The following MGAT4C variants were observed in gnomAD, a reference collection of about 807,000 sequenced individuals.
MGAT4C encodes alpha-1,3-mannosyl-glycoprotein 4-beta-N-acetylglucosaminyltransferase C.
MGAT4C carries 19 observed loss-of-function variants against 40.1 expected under a neutral mutation model. The ratio of observed to expected loss-of-function variants is 0.47; its 90% CI spans 0.33 to 0.70. The LOEUF (loss-of-function observed/expected upper bound fraction) is 0.70. MGAT4C is among the 30% of genes least tolerant of loss of function. The pLI, the probability that MGAT4C is intolerant of heterozygous loss-of-function variation, is 0.02. For missense variants in MGAT4C, 491 were observed against 563.2 expected, an observed-to-expected ratio of 0.87 and a Z score of 1.30; for synonymous variants, 181 against 187.1, an observed-to-expected ratio of 0.97 and a Z score of 0.27.
intron 1 of MGAT4C, among the ~76,000 whole-genome samples, chr12:86,805,980 C>A (rs1952345127): frequency 6.6e-6 from 1 of 151,786 alleles, no homozygotes; most frequent in Admixed American, 6.6e-5. Flanking sequence ...TGATGTTAAA[C>A]ATTTTTTCAT....
intron 3 of MGAT4C, among the ~76,000 whole-genome samples, chr12:86,341,090 C>T (rs111317145): frequency 6.6e-6 from 1 of 152,244 alleles, no homozygotes; most frequent in South Asian, 2.1e-4. Context: ...TCAATTGAAA[C>T]ACCCATGTAC....
intron 3 of MGAT4C, among the ~76,000 whole-genome samples, chr12:86,416,193 C>A (rs17013997): frequency 6.6e-6 from 1 of 151,902 alleles, no homozygotes; most frequent in South Asian, 2.1e-4. Flanking sequence ...TATGCCAAAC[C>A]TGTTGGAAGT....
At chr12:86,146,563 A>C (rs1883543729) in intron 1 of MGAT4C, among the ~76,000 whole-genome samples, 1 of 152,054 alleles carries the variant, frequency 6.6e-6, no homozygotes, top group African/African-American at 2.4e-5. Flanking sequence ...AAATCTCTCT[A>C]AGAACTGGGA....
At chr12:86,449,119 C>T (rs895654145) in intron 2 of MGAT4C, among the ~76,000 whole-genome samples, 1 of 151,764 alleles carries the variant, frequency 6.6e-6, no homozygotes, top group Non-Finnish European at 1.5e-5. Flanking sequence ...TCATTGGGGG[C>T]TACAAAACGT....
intron 2 of MGAT4C, among the ~76,000 whole-genome samples, chr12:86,041,034 G>C (rs1891780071): frequency 6.6e-6 from 1 of 152,146 alleles, no homozygotes; most frequent in Non-Finnish European, 1.5e-5. Context: ...GTCTCAATGA[G>C]ATGAATCGGG....
chr12:86,505,042 A>C (rs770923677), intron 2 of MGAT4C, among the ~76,000 whole-genome samples: 1 of 152,126 alleles, frequency 6.6e-6, no homozygotes, highest in Non-Finnish European at 1.5e-5. Context: ...CACTCATTTC[A>C]ATGTGTGGTT....
chr12:86,275,995 C>G (rs539393414), intron 4 of MGAT4C, among the ~76,000 whole-genome samples: 1 of 144,880 alleles, frequency 6.9e-6, no homozygotes, highest in Admixed American at 6.9e-5. Context: ...TGGTGTTGGC[C>G]GCTTGTAGTC....
At chr12:86,715,444 T>C (rs1950629381) in intron 2 of MGAT4C, among the ~76,000 whole-genome samples, 1 of 152,128 alleles carries the variant, frequency 6.6e-6, no homozygotes, top group Non-Finnish European at 1.5e-5. Flanking sequence ...GATTATATTA[T>C]TGTTTGGTGT....
intron 1 of MGAT4C, among the ~76,000 whole-genome samples, chr12:86,214,039 T>C (rs1415328854): frequency 6.6e-6 from 1 of 152,346 alleles, no homozygotes; most frequent in South Asian, 2.1e-4. Flanking sequence ...CTTTAAAGTA[T>C]ACCACTCTTC....
intron 4 of MGAT4C, among the ~76,000 whole-genome samples, chr12:86,293,350 A>G (rs965004800): frequency 6.6e-6 from 1 of 152,166 alleles, no homozygotes; most frequent in Non-Finnish European, 1.5e-5. Context: ...CTGAATTATT[A>G]TAAGATAATG....
chr12:86,827,326 T>C (rs1220960856), intron 1 of MGAT4C, among the ~76,000 whole-genome samples: 4 of 151,486 alleles, frequency 2.6e-5, no homozygotes, highest in Non-Finnish European at 4.4e-5. Flanking sequence ...CCTTATAAAA[T>C]GGAAAAATAT....
chr12:86,702,596 A>C (rs1317664528), intron 2 of MGAT4C, among the ~76,000 whole-genome samples: 1 of 152,206 alleles, frequency 6.6e-6, no homozygotes, highest in East Asian at 1.9e-4. Flanking sequence ...ATGGAAAACA[A>C]AACCTGGATA....
intron 2 of MGAT4C, among the ~76,000 whole-genome samples, chr12:86,679,138 G>A (rs1949930550): frequency 6.6e-6 from 1 of 152,060 alleles, no homozygotes; most frequent in Non-Finnish European, 1.5e-5. Flanking sequence ...GGTGTGAGAT[G>A]GTATCTCATT....
At position 86,090,048 on chromosome 12, in the gene MGAT4C, T is replaced by C. The variant is rs1274074404; in HGVS notation, c.-56-40325A>G. On this transcript the variant is annotated intron_variant, in intron 1 of 4. Coordinates refer to ENST00000611864, the MANE Select transcript of MGAT4C (RefSeq NM_001351288.2). The stretch of plus-strand genomic sequence containing the variant: ...CACAAACACAGTATTCTCTTCTATT[T>C]GGGATTAACCAAAATTTTGAATATA... Among the ~76,000 whole-genome samples the C allele has an allele frequency of 2.0e-5, 3 of 151,756 alleles. No individual in the cohort carries two copies. The East Asian group carries it at 5.8e-4, about 29-fold the overall frequency.
chr12:86,468,332 T>A (rs1355352714), intron 2 of MGAT4C, among the ~76,000 whole-genome samples: 1 of 152,050 alleles, frequency 6.6e-6, no homozygotes, highest in East Asian at 1.9e-4. Context: ...CAGGCTACCA[T>A]AAAATCTTTT....
At chr12:86,051,503 GAT>G (rs970464087) in intron 1 of MGAT4C, among the ~76,000 whole-genome samples, 3 of 151,506 alleles carry the variant, frequency 2.0e-5, no homozygotes, top group African/African-American at 7.3e-5. Flanking sequence ...CCTGAGAAGA[GAT>G]ATATATATTA....
chr12:86,165,394 GT>G (rs1255536689), intron 1 of MGAT4C, among the ~76,000 whole-genome samples: 3 of 151,818 alleles, frequency 2.0e-5, no homozygotes, highest in African/African-American at 7.3e-5. Flanking sequence ...ACAGTTTATT[GT>G]TTTACATGTA....
chr12:86,562,092 G>A (rs528418668), intron 2 of MGAT4C, among the ~76,000 whole-genome samples: 49 of 152,252 alleles, frequency 3.2e-4, no homozygotes, highest in Admixed American at 1.1e-3. Context: ...TAATGACATT[G>A]GTTGGCTGCT....
intron 2 of MGAT4C, among the ~76,000 whole-genome samples, chr12:86,528,933 G>A (rs911264717): frequency 8.6e-5 from 13 of 151,386 alleles, no homozygotes; most frequent in Admixed American, 6.6e-4. Context: ...TAACAAACTT[G>A]CACATCCTGC....
Sources: gnomAD v4.1 joint callset for allele counts (sites outside exome capture counted in the v4.1 genomes callset) on GRCh38, gnomAD v4.1.1 for gene constraint, MANE v1.5 for transcripts, NCBI Gene and HGNC (gene_info 2026-07-23, HGNC 2026-07-21) for gene names.